AGPAT4: variants seen among roughly 807,000 people sequenced by gnomAD.
The protein encoded by AGPAT4 is 1-acylglycerol-3-phosphate O-acyltransferase 4.
In AGPAT4, 15 loss-of-function variants were observed where a neutral mutation model predicts 48.0. The ratio of observed to expected loss-of-function variants is 0.31; its 90% CI spans 0.21 to 0.48. AGPAT4 has a LOEUF of 0.48. AGPAT4 is among the 20% of genes least tolerant of loss of function. AGPAT4 has a pLI of 0.99. For synonymous variants in AGPAT4, 178 were observed against 198.7 expected (o/e 0.90, Z 0.88); for missense variants, 314 against 482.5 (o/e 0.65, Z 3.27).
At position 161,249,652 on chromosome 6, in the gene AGPAT4, CA is replaced by C. The variant is rs1417051349; in HGVS notation, c.-89-17351del. On this transcript the variant is annotated intron_variant, in intron 1 of 8. Coordinates refer to ENST00000320285, the MANE Select transcript of AGPAT4 (RefSeq NM_020133.3). This position sits in a 1 kb window ranked among gnomAD's most constrained non-coding sequence, Gnocchi z 6.2. The stretch of plus-strand genomic sequence containing the variant: ...GTCAGAATGGCTATTATTTAAAAGT[CA>C]AAAAATAACACATGCTGGTGAGGTT... Among the ~76,000 whole-genome samples the C allele has an allele frequency of 6.6e-6, 1 of 152,034 alleles. No homozygotes were observed. The highest frequency in any genetic ancestry group is 6.6e-5 in the Admixed American group (1 of 15,262).
At chr6:161,247,283 G>C (rs1457455727) in intron 1 of AGPAT4, among the ~76,000 whole-genome samples, 1 of 152,090 alleles carries the variant, frequency 6.6e-6, no homozygotes, top group Non-Finnish European at 1.5e-5. Flanking sequence ...GCAAAGCCAG[G>C]AATTTCTTGA....
rs147388847 is a variant in AGPAT4 at position 161,231,043 on chromosome 6, A to T, written c.178+993T>A. 3.1e-5 allele frequency among the ~76,000 whole-genome samples: 4 copies of T among 130,952 alleles called. No homozygotes were observed. Among genetic ancestry groups the T allele is most frequent in the African/African-American group, 1.0e-4 (3 of 29,358 alleles). 85.9% of individuals were successfully genotyped at this position (130,952 alleles called of 152,430 possible). On this transcript the variant is annotated intron_variant, in intron 2 of 8. Coordinates refer to ENST00000320285, the MANE Select transcript of AGPAT4 (RefSeq NM_020133.3). This position sits in a 1 kb window ranked among gnomAD's most constrained non-coding sequence, Gnocchi z 5.3. ...CATAGCTTGAATTGTCTTGATTCAAATTCAAATTTGATCATTTTAAAGGGT... is the reference window on the plus strand; with the variant it reads ...CATAGCTTGAATTGTCTTGATTCAATTTCAAATTTGATCATTTTAAAGGGT...
At chr6:161,260,570 C>A (rs1345032081) in intron 1 of AGPAT4, among the ~76,000 whole-genome samples, 2 of 144,150 alleles carry the variant, frequency 1.4e-5, no homozygotes, top group East Asian at 4.3e-4. Context: ...GCAGGAGAAT[C>A]ACTTGAACCT....
rs932832526 is a variant in AGPAT4, at chr6:161,142,460, T to C, written c.844-2840A>G. 6.6e-6 allele frequency among the ~76,000 whole-genome samples: 1 copy of C among 151,716 alleles called. No individual in the cohort carries two copies. The highest frequency in any genetic ancestry group is 2.4e-5 in the African/African-American group (1 of 41,270). ...AATGTAGTTATTGAATGAAGGAGAG[T>C]TGGTTTGTTTCCAGAAAGAAGCATC... On this transcript the variant is annotated intron_variant, in intron 7 of 8. Coordinates refer to ENST00000320285, the MANE Select transcript of AGPAT4 (RefSeq NM_020133.3). The surrounding 1 kb of genome is among the most constrained non-coding windows in gnomAD (Gnocchi z 6.4).
At position 161,219,872 on chromosome 6, in the gene AGPAT4, TAGGCAGGCAGGC is replaced by T. The variant is rs554610151; in HGVS notation, c.178+12152_178+12163del. 6.8e-3 allele frequency among the ~76,000 whole-genome samples: 825 copies of T among 120,916 alleles called. 4 individuals are homozygous for T. Among genetic ancestry groups the T allele is most frequent in the Non-Finnish European group, 9.9e-3 (531 of 53,600 alleles). The allele number at this position is 120,916 out of a possible 152,430, so 79.3% of individuals were successfully genotyped here. A position where few individuals can be genotyped will look rare whatever the true frequency, so the allele number is the denominator to read the frequency against. ...ATAGATAGATAGATAGATAGATAGA[TAGGCAGGCAGGC>T]AGGCAGGCAGGCAGGCAGGCAGGCA... On this transcript the variant is annotated intron_variant, in intron 2 of 8. Coordinates refer to ENST00000320285, the MANE Select transcript of AGPAT4 (RefSeq NM_020133.3). This position sits in a 1 kb window ranked among gnomAD's most constrained non-coding sequence, Gnocchi z 4.9.
At chr6:161,167,701 G>T (rs531860150) in intron 2 of AGPAT4, among the ~76,000 whole-genome samples, 1 of 152,208 alleles carries the variant, frequency 6.6e-6, no homozygotes, top group Non-Finnish European at 1.5e-5. Flanking sequence ...CTGGAAGCTG[G>T]AGGCTTGATG....
intron 2 of AGPAT4, among the ~76,000 whole-genome samples, chr6:161,230,448 A>C (rs1349442459): frequency 6.6e-6 from 1 of 152,374 alleles, no homozygotes; most frequent in Middle Eastern, 3.4e-3. Flanking sequence ...TTCTGCTTAA[A>C]TAGAGACCAA....
Position 161,166,085 on chromosome 6 carries a change from C to G in AGPAT4, c.348+163G>C. ...GATTGCCCATAAGAAGCTGTTAAGA[C>G]TGACTCCCAGCAAGAATAAAAAGCA... On this transcript the variant is annotated intron_variant, in intron 3 of 8. Coordinates refer to ENST00000320285, the MANE Select transcript of AGPAT4 (RefSeq NM_020133.3). This position sits in a 1 kb window ranked among gnomAD's most constrained non-coding sequence, Gnocchi z 6.7. The G allele has an allele frequency of 1.1e-6, 1 of 926,472 alleles. No individual in the cohort carries two copies. Among genetic ancestry groups the G allele is most frequent in the South Asian group, 1.7e-5 (1 of 58,182 alleles). The allele number at this position is 926,472 out of a possible 1,614,324, so 57.4% of individuals were successfully genotyped here.
At position 161,139,828 on chromosome 6, in the gene AGPAT4, CTG is replaced by C. The variant is rs1242892312; in HGVS notation, c.844-210_844-209del. On this transcript the variant is annotated intron_variant, in intron 7 of 8. Transcript: ENST00000320285. This position sits in a 1 kb window ranked among gnomAD's most constrained non-coding sequence, Gnocchi z 9.1. ...TCTGGCCGCCCCTCCCACAGGGACA[CTG>C]GGAGTGGTGGGGCCGCTGCAGCTGT... 2.0e-5 allele frequency among the ~76,000 whole-genome samples: 3 copies of C among 152,228 alleles called. No homozygotes were observed. Among genetic ancestry groups the C allele is most frequent in the Non-Finnish European group, 4.4e-5 (3 of 68,034 alleles).
chr6:161,161,600 A>G lies in AGPAT4; in HGVS notation c.348+4648T>C, dbSNP rs1249297878. On this transcript the variant is annotated intron_variant, in intron 3 of 8. Transcript: ENST00000320285. The surrounding 1 kb of genome is among the most constrained non-coding windows in gnomAD (Gnocchi z 4.6). The stretch of plus-strand genomic sequence containing the variant: ...ACCACCCTACAGAGCTGACAAAACC[A>G]TGGCGGTGGGCATATCTGCTGAAAA... 4.9e-6 allele frequency: 2 copies of G among 406,830 alleles called. No individual in the cohort carries two copies. Among genetic ancestry groups the G allele is most frequent in the Admixed American group, 2.7e-5 (1 of 37,624 alleles). 25.2% of individuals were successfully genotyped at this position (406,830 alleles called of 1,614,324 possible). A position where few individuals can be genotyped will look rare whatever the true frequency, so the allele number is the denominator to read the frequency against.
At chr6:161,181,932 C>G (rs2114993136) in intron 2 of AGPAT4, among the ~76,000 whole-genome samples, 1 of 152,262 alleles carries the variant, frequency 6.6e-6, no homozygotes, top group East Asian at 1.9e-4. Context: ...ATGTGTAAAG[C>G]ACAGATACGT....
rs1782162969 is a variant in AGPAT4 at position 161,232,934 on chromosome 6, A to G, written c.-89-632T>C. 6.6e-6 allele frequency among the ~76,000 whole-genome samples: 1 copy of G among 152,204 alleles called. No individual in the cohort carries two copies. Among genetic ancestry groups the G allele is most frequent in the South Asian group, 2.1e-4 (1 of 4,828 alleles). ...GTTTCTCCAGCACATGAGAGCCATC[A>G]CTGGCACAGGGTGGGAACTTAATTT... On this transcript the variant is annotated intron_variant, in intron 1 of 8. Coordinates refer to ENST00000320285, the MANE Select transcript of AGPAT4 (RefSeq NM_020133.3). This position sits in a 1 kb window ranked among gnomAD's most constrained non-coding sequence, Gnocchi z 6.8.
rs906048214 is a variant in AGPAT4, at chr6:161,131,861, C to T, written c.*4679G>A. On this transcript the variant is annotated 3_prime_UTR_variant, in exon 9 of 9. Coordinates refer to ENST00000320285, the MANE Select transcript of AGPAT4 (RefSeq NM_020133.3). ...CATCGAGTCCTTCTCTCAAATTGTA[C>T]GTCTGTTGTTTTCAAAAGCCATTGT... The T allele has an allele frequency of 6.6e-6, 1 of 152,212 alleles. No individual in the cohort carries two copies. The highest frequency in any genetic ancestry group is 1.5e-5 in the Non-Finnish European group (1 of 68,058). The allele number at this position is 152,212 out of a possible 1,614,324, so 9.4% of individuals were successfully genotyped here.
At chr6:161,172,666 T>A (rs1290515183) in intron 2 of AGPAT4, among the ~76,000 whole-genome samples, 1 of 152,200 alleles carries the variant, frequency 6.6e-6, no homozygotes, top group Non-Finnish European at 1.5e-5. Flanking sequence ...TATTATACTT[T>A]AAGTTCAAGG....
Position 161,249,961 on chromosome 6 carries a change from T to C in AGPAT4, c.-89-17659A>G, listed in dbSNP as rs534606573. ...AATCAACCTCAATGCCCATCAATAG[T>C]AGACTGGATAAAGGAAATGTGGTAC... On this transcript the variant is annotated intron_variant, in intron 1 of 8. Coordinates refer to ENST00000320285, the MANE Select transcript of AGPAT4 (RefSeq NM_020133.3). This position sits in a 1 kb window ranked among gnomAD's most constrained non-coding sequence, Gnocchi z 6.2. 2.0e-5 allele frequency among the ~76,000 whole-genome samples: 3 copies of C among 152,302 alleles called. No individual in the cohort carries two copies. The highest frequency in any genetic ancestry group is 4.4e-5 in the Non-Finnish European group (3 of 68,024).
chr6:161,235,974 C>T lies in AGPAT4; in HGVS notation c.-89-3672G>A, dbSNP rs953752521. ...AATAAAACAGCACTTTCTCTTCTAACGTGGCAATTAGCCAATTTCATGTCA... is the reference window on the plus strand; with the variant it reads ...AATAAAACAGCACTTTCTCTTCTAATGTGGCAATTAGCCAATTTCATGTCA... On this transcript the variant is annotated intron_variant, in intron 1 of 8. Coordinates refer to ENST00000320285, the MANE Select transcript of AGPAT4 (RefSeq NM_020133.3). This position sits in a 1 kb window ranked among gnomAD's most constrained non-coding sequence, Gnocchi z 6.2. Among the ~76,000 whole-genome samples the T allele has an allele frequency of 1.3e-5, 2 of 152,176 alleles. No individual in the cohort carries two copies. The highest frequency in any genetic ancestry group is 4.8e-5 in the African/African-American group (2 of 41,440).
chr6:161,181,917 C>T (rs1204627360), intron 2 of AGPAT4, among the ~76,000 whole-genome samples: 2 of 152,222 alleles, frequency 1.3e-5, no homozygotes, highest in African/African-American at 4.8e-5. Flanking sequence ...AAATCTTACT[C>T]TTTTATGTGT....
chr6:161,175,687 T>G (rs1167298954), intron 2 of AGPAT4, among the ~76,000 whole-genome samples: 1 of 152,206 alleles, frequency 6.6e-6, no homozygotes, highest in Non-Finnish European at 1.5e-5. Context: ...AGTTTTTGAA[T>G]GTGTTTGCTC....
At position 161,139,729 on chromosome 6, in the gene AGPAT4, G is replaced by T; in HGVS notation, c.844-109C>A. On this transcript the variant is annotated intron_variant, in intron 7 of 8. Coordinates refer to ENST00000320285, the MANE Select transcript of AGPAT4 (RefSeq NM_020133.3). This position sits in a 1 kb window ranked among gnomAD's most constrained non-coding sequence, Gnocchi z 9.1. ...GCAGAGATACACAGGTGCCACCGGG[G>T]CTCGGCAGAACTGGGGTCTGCAGCT... The T allele has an allele frequency of 1.0e-6, 1 of 975,746 alleles. No individual in the cohort carries two copies. Among genetic ancestry groups the T allele is most frequent in the Non-Finnish European group, 1.5e-6 (1 of 661,024 alleles). 60.4% of individuals were successfully genotyped at this position (975,746 alleles called of 1,614,324 possible).
Sources: allele counts gnomAD v4.1 joint callset (sites outside exome capture counted in the v4.1 genomes callset), GRCh38; gene constraint gnomAD v4.1.1; non-coding constraint Gnocchi (gnomAD v3.1); transcripts MANE v1.5; gene names NCBI Gene and HGNC (gene_info 2026-07-23, HGNC 2026-07-21).